The following SLC7A1 variants were observed in gnomAD, a reference collection of about 807,000 sequenced individuals.
SLC7A1 encodes solute carrier family 7 member 1.
Under a neutral mutation model 53.9 loss-of-function variants are expected in SLC7A1, and 10 were observed. That is an observed-to-expected ratio of 0.19 (90% CI 0.11 to 0.31). The LOEUF (loss-of-function observed/expected upper bound fraction) is 0.31, where lower values mean the gene tolerates loss of function less well. Among genes scored for constraint, SLC7A1 ranks in the 10% least tolerant of loss-of-function variants. The probability of loss-of-function intolerance (pLI) is 1.00; values close to 1 mark genes in which losing one functional copy is unlikely to be tolerated. For missense variants in SLC7A1, 525 were observed against 827.2 expected (o/e 0.63, Z 4.48); for synonymous variants, 342 against 338.7 (o/e 1.01, Z -0.11).
intron 1 of SLC7A1, among the ~76,000 whole-genome samples, chr13:29,570,239 G>A (rs1420035201): frequency 6.6e-6 from 1 of 152,170 alleles, no homozygotes; most frequent in African/African-American, 2.4e-5. Context: ...AGGAGGCCAC[G>A]GCCTGCCACG....
intron 2 of SLC7A1, among the ~76,000 whole-genome samples, chr13:29,540,044 T>C (rs753273338): frequency 3.3e-5 from 5 of 152,246 alleles, no homozygotes; most frequent in African/African-American, 4.8e-5. Context: ...GTACACATTA[T>C]ACCAGCTCTT....
At chr13:29,531,692 G>A (rs1428577195) in intron 4 of SLC7A1, among the ~76,000 whole-genome samples, 1 of 152,120 alleles carries the variant, frequency 6.6e-6, no homozygotes, top group Non-Finnish European at 1.5e-5. Flanking sequence ...AGATTAACTG[G>A]GTGTGGTGGT....
chr13:29,585,966 CA>C (rs1871862038), intron 1 of SLC7A1, among the ~76,000 whole-genome samples: 1 of 152,170 alleles, frequency 6.6e-6, no homozygotes, highest in Admixed American at 6.5e-5. Flanking sequence ...CTGGGCAAAC[CA>C]GGCAAAAATT....
intron 2 of SLC7A1, among the ~76,000 whole-genome samples, chr13:29,541,558 A>G (rs897344606): frequency 2.0e-5 from 3 of 152,218 alleles, no homozygotes; most frequent in African/African-American, 7.2e-5. Context: ...ATTGATCTTA[A>G]CAAGTTTAGT....
chr13:29,517,452 T>C (rs1868403876), intron 10 of SLC7A1, 121 bp downstream of exon 10: 2 of 1,211,410 alleles, frequency 1.7e-6, no homozygotes, highest in Non-Finnish European at 2.4e-6. Flanking sequence ...AGTAACTATG[T>C]CCCAGTCCAG....
At chr13:29,548,638 G>A (rs1870035567) in intron 2 of SLC7A1, among the ~76,000 whole-genome samples, 1 of 152,242 alleles carries the variant, frequency 6.6e-6, no homozygotes, top group Admixed American at 6.5e-5. Context: ...AGAGCACGAG[G>A]ACTTCCAGCT....
At chr13:29,548,182 T>G (rs939355893) in intron 2 of SLC7A1, among the ~76,000 whole-genome samples, 7 of 152,118 alleles carry the variant, frequency 4.6e-5, no homozygotes, top group African/African-American at 1.7e-4. Flanking sequence ...AGCAACCCTC[T>G]CTCACCCGAT....
At chr13:29,547,242 G>A (rs567564388) in intron 2 of SLC7A1, among the ~76,000 whole-genome samples, 5 of 152,160 alleles carry the variant, frequency 3.3e-5, no homozygotes, top group South Asian at 2.1e-4. Context: ...TATTCATGCC[G>A]TGGAGTGAAT....
intron 1 of SLC7A1, among the ~76,000 whole-genome samples, chr13:29,572,133 C>G (rs1234217590): frequency 2.0e-5 from 3 of 152,224 alleles, no homozygotes; most frequent in African/African-American, 7.2e-5. Flanking sequence ...TGCCCCAAAA[C>G]GCAGGTGGTG....
chr13:29,531,930 A>T (rs954502608), intron 4 of SLC7A1, among the ~76,000 whole-genome samples: 1 of 152,238 alleles, frequency 6.6e-6, no homozygotes, highest in East Asian at 1.9e-4. Context: ...AATTAATCAC[A>T]GGGAGAACAC....
chr13:29,531,292 G>C (rs2139095172), intron 4 of SLC7A1, among the ~76,000 whole-genome samples: 2 of 152,062 alleles, frequency 1.3e-5, no homozygotes, highest in South Asian at 4.1e-4. Context: ...TCTGAGCTAG[G>C]CTAGCTCTAG....
intron 1 of SLC7A1, among the ~76,000 whole-genome samples, chr13:29,560,684 A>G (rs1870718670): frequency 6.6e-6 from 1 of 152,154 alleles, no homozygotes; most frequent in East Asian, 1.9e-4. Flanking sequence ...TAGCAGGACA[A>G]TGTCACAAAG....
chr13:29,555,357 CAAAAAAAAAAA>C (rs538934310), intron 1 of SLC7A1, among the ~76,000 whole-genome samples: 2 of 18,778 alleles, frequency 1.1e-4, no homozygotes, highest in African/African-American at 1.4e-4. Flanking sequence ...GACTCCGTCT[CAAAAAAAAAAA>C]AAAAAAAAAA....
chr13:29,543,766 C>A lies in SLC7A1; in HGVS notation c.-14-7564G>T, dbSNP rs1481587561. 7.3e-5 allele frequency among the ~76,000 whole-genome samples: 9 copies of A among 123,510 alleles called. No individual in the cohort carries two copies. In the Admixed American group the frequency reaches 7.3e-4, roughly 10 times the overall value. The allele number at this position is 123,510 out of a possible 152,430, so 81.0% of individuals were successfully genotyped here. A position where few individuals can be genotyped will look rare whatever the true frequency, so the allele number is the denominator to read the frequency against. On this transcript the variant is annotated intron_variant, in intron 2 of 12. Coordinates refer to ENST00000380752, the MANE Select transcript of SLC7A1 (RefSeq NM_003045.5). Reference sequence around the variant, plus strand: ...AGGAGGAAGAGGGGTGGGGAGGAGGCAGGGATCAGAGGTTCTACAGGAGGA... The same window carrying A: ...AGGAGGAAGAGGGGTGGGGAGGAGGAAGGGATCAGAGGTTCTACAGGAGGA...
At chr13:29,576,816 C>T in intron 1 of SLC7A1, among the ~76,000 whole-genome samples, 1 of 152,134 alleles carries the variant, frequency 6.6e-6, no homozygotes, top group African/African-American at 2.4e-5. Context: ...TCTCAGACAC[C>T]CTGGAAGTTG....
intron 1 of SLC7A1, among the ~76,000 whole-genome samples, chr13:29,560,754 TG>T (rs1185680581): frequency 6.6e-6 from 1 of 152,128 alleles, no homozygotes; most frequent in Non-Finnish European, 1.5e-5. Context: ...ATGGAACTAC[TG>T]TCATAGATGA....
At chr13:29,544,542 C>G (rs1244133352) in intron 2 of SLC7A1, among the ~76,000 whole-genome samples, 1 of 152,178 alleles carries the variant, frequency 6.6e-6, no homozygotes. Context: ...GATTACAACT[C>G]AGTAATTCTC....
chr13:29,534,851 C>T lies in SLC7A1; in HGVS notation c.370+968G>A, dbSNP rs1420455611. On this transcript the variant is annotated intron_variant, in intron 3 of 12. Coordinates refer to ENST00000380752, the MANE Select transcript of SLC7A1 (RefSeq NM_003045.5). ...GTTGAGTGGCCGTTTGTACCCTTTGCTTCTGAGACTTAGGTTTTTGTTTCT... is the reference window on the plus strand; with the variant it reads ...GTTGAGTGGCCGTTTGTACCCTTTGTTTCTGAGACTTAGGTTTTTGTTTCT... Among the ~76,000 whole-genome samples, 3 of 152,204 alleles carry T rather than the reference C, an allele frequency of 2.0e-5. No individual in the cohort carries two copies. In the East Asian group the frequency reaches 5.8e-4, roughly 29 times the overall value.
intron 1 of SLC7A1, among the ~76,000 whole-genome samples, chr13:29,569,896 C>T (rs1453228238): frequency 1.3e-5 from 2 of 152,210 alleles, no homozygotes; most frequent in Non-Finnish European, 2.9e-5. Context: ...GCAGATCCAC[C>T]TCCATGGCTG....
Sources: gnomAD v4.1 joint callset for allele counts (sites outside exome capture counted in the v4.1 genomes callset) on GRCh38, gnomAD v4.1.1 for gene constraint, MANE v1.5 for transcripts, NCBI Gene and HGNC (gene_info 2026-07-23, HGNC 2026-07-21) for gene names.